The following WDFY4 variants were observed in gnomAD, a reference collection of about 807,000 sequenced individuals.
WDFY4 encodes WD repeat- and FYVE domain-containing protein 4.
In WDFY4, 169 loss-of-function variants were observed where a neutral mutation model predicts 351.9. The observed-to-expected ratio is 0.48, with a 90% CI of 0.42 to 0.55. The LOEUF (loss-of-function observed/expected upper bound fraction) is 0.55. Ranked by LOEUF, WDFY4 falls within the 20% of genes least tolerant of loss-of-function variation. The pLI is 0.00. For synonymous variants in WDFY4, 1,622 were observed against 1,574.6 expected (o/e 1.03, Z -0.71); for missense variants, 3,803 against 3,935.6 (o/e 0.97, Z 0.90).
intron 47 of WDFY4, among the ~76,000 whole-genome samples, chr10:48,925,223 C>T (rs1839470399): frequency 6.6e-6 from 1 of 152,210 alleles, no homozygotes; most frequent in Non-Finnish European, 1.5e-5. Flanking sequence ...CTAACTGTGA[C>T]CTCCCGAGTG....
At chr10:48,822,614 T>C in intron 35 of WDFY4, 77 bp downstream of exon 35, 1 of 1,373,322 alleles carries the variant, frequency 7.3e-7, no homozygotes, top group South Asian at 1.9e-5. Context: ...TTGGTTCCAC[T>C]GGATCTGCCC....
intron 51 of WDFY4, 48 bp downstream of exon 51, chr10:48,947,017 C>T (rs1841079919): frequency 1.1e-5 from 14 of 1,323,540 alleles, no homozygotes; most frequent in Non-Finnish European, 1.3e-5. Flanking sequence ...CACACACACA[C>T]ACATACGCCT....
intron 1 of WDFY4, among the ~76,000 whole-genome samples, chr10:48,693,936 A>G (rs898522254): frequency 1.3e-5 from 2 of 152,158 alleles, no homozygotes; most frequent in Admixed American, 6.5e-5. Context: ...TTGTGCCCTC[A>G]CTTTTTTGTG....
chr10:48,753,413 T>G (rs1167909256), intron 12 of WDFY4, among the ~76,000 whole-genome samples: 1 of 152,236 alleles, frequency 6.6e-6, no homozygotes, highest in Non-Finnish European at 1.5e-5. Context: ...TACTTGTGCT[T>G]TTGGCATTAT....
intron 40 of WDFY4, among the ~76,000 whole-genome samples, chr10:48,870,418 G>A (rs2069722476): frequency 6.6e-6 from 1 of 152,122 alleles, no homozygotes. Context: ...GGCACCTTTA[G>A]TTCTAGGTAC....
At position 48,821,947 on chromosome 10, in the gene WDFY4, G is replaced by T. The variant is rs534094284; in HGVS notation, c.5825-433G>T. On this transcript the variant is annotated intron_variant, in intron 34 of 61. Coordinates refer to ENST00000325239, the MANE Select transcript of WDFY4 (RefSeq NM_001394531.1). ...GGTGAACTCACAGGGTTGTGCTAGG[G>T]GTTAGTTGAGATCATCACACACATG... Among the ~76,000 whole-genome samples, 6 of 152,312 alleles carry T rather than the reference G, an allele frequency of 3.9e-5. No homozygotes were observed. The South Asian group carries it at 1.2e-3, about 32-fold the overall frequency.
chr10:48,887,778 C>CA (rs11352403), intron 43 of WDFY4, among the ~76,000 whole-genome samples: 55 of 137,234 alleles, frequency 4.0e-4, no homozygotes, highest in African/African-American at 1.1e-3. Flanking sequence ...GACTCCATCT[C>CA]AAAAAAAAAA....
At chr10:48,787,802 TC>T (rs2066454587) in intron 20 of WDFY4, among the ~76,000 whole-genome samples, 7 of 96,630 alleles carry the variant, frequency 7.2e-5, no homozygotes, top group East Asian at 8.4e-4. Flanking sequence ...CTCCTCCTCC[TC>T]CTCCTCTTCT....
chr10:48,947,981 T>A (rs1328022784), intron 51 of WDFY4, among the ~76,000 whole-genome samples: 1 of 151,948 alleles, frequency 6.6e-6, no homozygotes, highest in East Asian at 1.9e-4. Flanking sequence ...GAACTGTGAG[T>A]TTGGGACTGA....
chr10:48,708,399 A>C (rs2063687272), intron 1 of WDFY4, among the ~76,000 whole-genome samples: 1 of 152,168 alleles, frequency 6.6e-6, no homozygotes, highest in Non-Finnish European at 1.5e-5. Context: ...GCCAAGAGGA[A>C]AACACTGGGA....
intron 27 of WDFY4, 122 bp from the exon 28 acceptor site, chr10:48,807,737 G>C: frequency 9.1e-7 from 1 of 1,094,648 alleles, no homozygotes; most frequent in Non-Finnish European, 1.3e-6. Context: ...CCAAAATTTT[G>C]AGTCCCAGCC....
At chr10:48,786,537 C>A (rs1294400742) in intron 19 of WDFY4, 102 bp from the exon 20 acceptor site, 6 of 839,142 alleles carry the variant, frequency 7.2e-6, no homozygotes, top group Non-Finnish European at 1.0e-5. Context: ...TACATTTTTA[C>A]TATGAGATGA....
chr10:48,872,949 G>A (rs1218674647), intron 40 of WDFY4, among the ~76,000 whole-genome samples: 1 of 152,156 alleles, frequency 6.6e-6, no homozygotes, highest in Non-Finnish European at 1.5e-5. Context: ...TCATTTCGTT[G>A]GAGATTCTGA....
chr10:48,695,805 A>G (rs147613071), intron 1 of WDFY4, among the ~76,000 whole-genome samples: 87 of 152,254 alleles, frequency 5.7e-4, no homozygotes, highest in African/African-American at 2.0e-3. Context: ...GTAGGGGTCC[A>G]GCCAGGGGAA....
At chr10:48,892,125 C>T (rs954777707) in intron 44 of WDFY4, among the ~76,000 whole-genome samples, 4 of 152,208 alleles carry the variant, frequency 2.6e-5, no homozygotes, top group Admixed American at 1.3e-4. Flanking sequence ...GGCCTGCAGC[C>T]GTGCCTCTCT....
intron 19 of WDFY4, among the ~76,000 whole-genome samples, chr10:48,783,283 A>T (rs1365792412): frequency 5.9e-5 from 9 of 152,174 alleles, no homozygotes; most frequent in Admixed American, 5.9e-4. Flanking sequence ...GATGATTTAT[A>T]ATACCTAATA....
chr10:48,867,880 A>G (rs2069608903), intron 40 of WDFY4, among the ~76,000 whole-genome samples: 1 of 152,226 alleles, frequency 6.6e-6, no homozygotes, highest in Non-Finnish European at 1.5e-5. Flanking sequence ...TTTACCCAGC[A>G]ATTTCTTTGT....
intron 47 of WDFY4, among the ~76,000 whole-genome samples, chr10:48,928,676 A>G (rs778731084): frequency 1.3e-5 from 2 of 152,072 alleles, no homozygotes; most frequent in Non-Finnish European, 2.9e-5. Flanking sequence ...CACACCCTCT[A>G]GTTCTGGTGA....
chr10:48,707,807 G>A (rs10776635), intron 1 of WDFY4, among the ~76,000 whole-genome samples: 40,328 of 151,996 alleles, frequency 0.27, 6,160 homozygotes, highest in East Asian at 0.66. Flanking sequence ...CAGGGAATGC[G>A]AATGGAGAAT....
Sources: allele counts gnomAD v4.1 joint callset (sites outside exome capture counted in the v4.1 genomes callset), GRCh38; gene constraint gnomAD v4.1.1; transcripts MANE v1.5; gene names NCBI Gene and HGNC (gene_info 2026-07-23, HGNC 2026-07-21).